The following FREM2 variants were observed in gnomAD, a reference collection of about 807,000 sequenced individuals.
FREM2 encodes FRAS1 related extracellular matrix 2, also known as FRAS1-related extracellular matrix protein 2.
FREM2 carries 119 observed loss-of-function variants against 219.9 expected under a neutral mutation model. The observed-to-expected ratio is 0.54, with a 90% CI of 0.47 to 0.63. FREM2 has a LOEUF of 0.63. Among genes scored for constraint, FREM2 ranks in the 30% least tolerant of loss-of-function variants. The pLI, the probability that FREM2 is intolerant of heterozygous loss-of-function variation, is 0.00. For synonymous variants in FREM2, 1,562 were observed against 1,522.8 expected, an observed-to-expected ratio of 1.03 and a Z score of -0.60; for missense variants, 4,030 against 3,993.6, an observed-to-expected ratio of 1.01 and a Z score of -0.25.
chr13:38,840,873 C>T (rs1470463768), intron 6 of FREM2, among the ~76,000 whole-genome samples: 1 of 151,964 alleles, frequency 6.6e-6, no homozygotes, highest in Non-Finnish European at 1.5e-5. Flanking sequence ...ATGAACAATC[C>T]TTTGTATGCA....
chr13:38,763,158 C>A (rs1226029845), intron 2 of FREM2, among the ~76,000 whole-genome samples: 2 of 152,136 alleles, frequency 1.3e-5, no homozygotes, highest in African/African-American at 4.8e-5. Flanking sequence ...ATTTGAAAGC[C>A]AAACAACAGT....
chr13:38,877,779 A>G (rs1010836390), intron 21 of FREM2, among the ~76,000 whole-genome samples: 3 of 152,182 alleles, frequency 2.0e-5, no homozygotes, highest in African/African-American at 7.2e-5. Flanking sequence ...GTTATTCTAT[A>G]TTGTATCAGT....
chr13:38,752,642 G>A (rs769437109), intron 2 of FREM2, among the ~76,000 whole-genome samples: 4 of 152,106 alleles, frequency 2.6e-5, no homozygotes, highest in Non-Finnish European at 5.9e-5. Flanking sequence ...TCAGATGAAG[G>A]CACTTGTATT....
At chr13:38,703,854 T>C (rs1870435554) in intron 2 of FREM2, among the ~76,000 whole-genome samples, 1 of 152,188 alleles carries the variant, frequency 6.6e-6, no homozygotes, top group African/African-American at 2.4e-5. Flanking sequence ...AAATTTCACA[T>C]GATTTCATAT....
intron 2 of FREM2, among the ~76,000 whole-genome samples, chr13:38,756,407 G>A (rs1254886273): frequency 1.3e-5 from 2 of 151,922 alleles, no homozygotes; most frequent in African/African-American, 4.8e-5. Flanking sequence ...TCATTAACAC[G>A]GCACACTCAC....
intron 2 of FREM2, among the ~76,000 whole-genome samples, chr13:38,703,189 T>C (rs1221308676): frequency 6.6e-6 from 1 of 152,074 alleles, no homozygotes; most frequent in Non-Finnish European, 1.5e-5. Flanking sequence ...AAATAATTAC[T>C]GATAATTAGC....
At chr13:38,875,493 C>A (rs901439673) in intron 18 of FREM2, among the ~76,000 whole-genome samples, 1 of 152,132 alleles carries the variant, frequency 6.6e-6, no homozygotes, top group Admixed American at 6.5e-5. Context: ...ATTTTCTGGT[C>A]TATACAGTTT....
intron 6 of FREM2, among the ~76,000 whole-genome samples, chr13:38,804,817 A>G (rs922987225): frequency 1.3e-5 from 2 of 152,130 alleles, no homozygotes; most frequent in Non-Finnish European, 2.9e-5. Flanking sequence ...CAGTTTGGCC[A>G]GGCTCCCTTT....
At chr13:38,820,131 T>C (rs553006770) in intron 6 of FREM2, among the ~76,000 whole-genome samples, 7 of 152,262 alleles carry the variant, frequency 4.6e-5, no homozygotes, top group Admixed American at 4.6e-4. Flanking sequence ...TAGCAAAGCT[T>C]ATTAGTGCAG....
At chr13:38,860,359 C>T (rs889884532) in intron 14 of FREM2, among the ~76,000 whole-genome samples, 4 of 152,056 alleles carry the variant, frequency 2.6e-5, no homozygotes, top group Non-Finnish European at 5.9e-5. Flanking sequence ...GACAGGAAAT[C>T]CACTGTATAA....
chr13:38,703,041 T>C (rs1470406947), intron 2 of FREM2, among the ~76,000 whole-genome samples: 1 of 152,120 alleles, frequency 6.6e-6, no homozygotes. Context: ...TCATTTAAGG[T>C]CAAGGCTTTT....
intron 4 of FREM2, among the ~76,000 whole-genome samples, chr13:38,770,796 A>C (rs1593396672): frequency 6.6e-6 from 1 of 151,494 alleles, no homozygotes; most frequent in African/African-American, 2.4e-5. Context: ...GTGTAATTTG[A>C]CCTTTTTATT....
chr13:38,790,842 T>C (rs576696138), intron 6 of FREM2, among the ~76,000 whole-genome samples: 1 of 152,364 alleles, frequency 6.6e-6, no homozygotes, highest in South Asian at 2.1e-4. Flanking sequence ...GTTTTTCTTT[T>C]ATTGTACTGA....
At chr13:38,802,831 G>A (rs1259629937) in intron 6 of FREM2, among the ~76,000 whole-genome samples, 1 of 152,106 alleles carries the variant, frequency 6.6e-6, no homozygotes, top group Admixed American at 6.5e-5. Flanking sequence ...TAGGTCGAGG[G>A]GTCTCCTGTA....
intron 2 of FREM2, among the ~76,000 whole-genome samples, chr13:38,745,406 C>CGGA (rs1425524885): frequency 6.6e-6 from 1 of 152,092 alleles, no homozygotes; most frequent in Non-Finnish European, 1.5e-5. Context: ...TTAAGAAAAG[C>CGGA]TATGGGCATA....
At chr13:38,814,913 C>T (rs1875701723) in intron 6 of FREM2, among the ~76,000 whole-genome samples, 1 of 152,302 alleles carries the variant, frequency 6.6e-6, no homozygotes, top group Admixed American at 6.5e-5. Flanking sequence ...AAGGGCTTTT[C>T]TCTTAGCTTG....
intron 6 of FREM2, among the ~76,000 whole-genome samples, chr13:38,802,326 C>T (rs980650009): frequency 2.6e-5 from 4 of 152,098 alleles, no homozygotes; most frequent in African/African-American, 7.2e-5. Flanking sequence ...CCACAGCAGC[C>T]GGCAACAGTG....
chr13:38,801,046 T>A (rs1566146922), intron 6 of FREM2, among the ~76,000 whole-genome samples: 1 of 152,248 alleles, frequency 6.6e-6, no homozygotes, highest in Non-Finnish European at 1.5e-5. Context: ...TCATTCTTTT[T>A]CTTTTTGTCT....
intron 6 of FREM2, among the ~76,000 whole-genome samples, chr13:38,838,977 T>C (rs1280465624): frequency 6.6e-6 from 1 of 152,182 alleles, no homozygotes; most frequent in African/African-American, 2.4e-5. Context: ...TCAAACTCAT[T>C]CTACACCCAG....
Sources: gnomAD v4.1 joint callset for allele counts (sites outside exome capture counted in the v4.1 genomes callset) on GRCh38, gnomAD v4.1.1 for gene constraint, MANE v1.5 for transcripts, NCBI Gene and HGNC (gene_info 2026-07-23, HGNC 2026-07-21) for gene names.